SLC5A1: variants seen among roughly 807,000 people sequenced by gnomAD.
The protein encoded by SLC5A1 is sodium/glucose cotransporter 1.
A neutral mutation model predicts 73.5 loss-of-function variants in SLC5A1; 42 were observed. That is an observed-to-expected ratio of 0.57 (90% CI 0.45 to 0.74). The LOEUF (loss-of-function observed/expected upper bound fraction) is 0.74, where lower values mean the gene tolerates loss of function less well. Ranked by LOEUF, SLC5A1 falls within the 30% of genes least tolerant of loss-of-function variation. The probability of loss-of-function intolerance (pLI) is 0.00; values close to 1 mark genes in which losing one functional copy is unlikely to be tolerated. For missense variants in SLC5A1, 634 were observed against 855.4 expected (o/e 0.74, Z 3.23); for synonymous variants, 300 against 317.4 (o/e 0.95, Z 0.58).
intron 5 of SLC5A1, among the ~76,000 whole-genome samples, chr22:32,072,599 C>G (rs1185463385): frequency 2.0e-5 from 3 of 152,104 alleles, no homozygotes; most frequent in Non-Finnish European, 4.4e-5. Context: ...AAAATATAAC[C>G]ATTGTGCTAT....
Position 32,102,206 on chromosome 22 carries a change from C to A in SLC5A1, c.1634C>A (p.Ser545Tyr). 1.2e-6 allele frequency: 2 copies of A among 1,614,106 alleles called. No homozygotes were observed. Among genetic ancestry groups the A allele is most frequent in the Non-Finnish European group, 1.7e-6 (2 of 1,179,970 alleles). The change falls in exon 13 of 15, where the codon TCC becomes TAC. Residue 545 changes from serine to tyrosine, a missense_variant. Around this residue, in one of 3 missense-constraint regions of SLC5A1, gnomAD observed 161 missense variants for 178.7 expected, o/e 0.90. Transcript: ENST00000266088. Reference sequence around the variant, plus strand: ...TCTTTCATCACCATCGTGGTCATCTCCCTCCTCACCAAACCCATTCCGGAT... The same window carrying A: ...TCTTTCATCACCATCGTGGTCATCTACCTCCTCACCAAACCCATTCCGGAT... ...AISFITIVVI[S>Y]LLTKPIPDVH...
chr22:32,070,405 T>C (rs2093981185), intron 5 of SLC5A1, among the ~76,000 whole-genome samples: 1 of 151,256 alleles, frequency 6.6e-6, no homozygotes, highest in South Asian at 2.1e-4. Flanking sequence ...TGATCATAGC[T>C]CAGTGCAGCC....
At chr22:32,100,774 T>C (rs1356538957) in intron 12 of SLC5A1, among the ~76,000 whole-genome samples, 1 of 152,186 alleles carries the variant, frequency 6.6e-6, no homozygotes, top group East Asian at 1.9e-4. Flanking sequence ...TATTTTTTTC[T>C]TTTTCCTTAT....
chr22:32,058,486 G>A (rs1056756487), intron 2 of SLC5A1, among the ~76,000 whole-genome samples: 2 of 152,144 alleles, frequency 1.3e-5, no homozygotes, highest in African/African-American at 4.8e-5. Flanking sequence ...ACATACTGAT[G>A]AAATCCTTGT....
intron 5 of SLC5A1, among the ~76,000 whole-genome samples, chr22:32,069,076 C>G (rs543692385): frequency 6.6e-6 from 1 of 152,062 alleles, no homozygotes; most frequent in African/African-American, 2.4e-5. Flanking sequence ...GAATACCACT[C>G]GGCCTTAAAA....
chr22:32,107,916 T>TCAC (rs932041871), intron 14 of SLC5A1, among the ~76,000 whole-genome samples: 15 of 152,054 alleles, frequency 9.9e-5, no homozygotes, highest in South Asian at 4.2e-4. Flanking sequence ...ATCATCATCC[T>TCAC]CACCACCACC....
intron 1 of SLC5A1, among the ~76,000 whole-genome samples, chr22:32,044,752 G>A (rs1449228720): frequency 6.6e-6 from 1 of 151,998 alleles, no homozygotes; most frequent in Non-Finnish European, 1.5e-5. Flanking sequence ...TTTAACATAG[G>A]TACACTCTTA....
At chr22:32,066,640 A>G (rs1026667783) in intron 2 of SLC5A1, among the ~76,000 whole-genome samples, 1 of 152,198 alleles carries the variant, frequency 6.6e-6, no homozygotes, top group Non-Finnish European at 1.5e-5. Flanking sequence ...GGGACTTCCC[A>G]TATCTTCTTC....
chr22:32,060,174 CACACACACACACAT>C (rs1218514661), intron 2 of SLC5A1, among the ~76,000 whole-genome samples: 19 of 98,820 alleles, frequency 1.9e-4, no homozygotes, highest in African/African-American at 4.4e-4. Context: ...CACACACACA[CACACACACACACAT>C]ATATATATAT....
At chr22:32,109,310 T>A (rs574829133) in intron 14 of SLC5A1, among the ~76,000 whole-genome samples, 1 of 152,250 alleles carries the variant, frequency 6.6e-6, no homozygotes, top group African/African-American at 2.4e-5. Flanking sequence ...GAAACCAGGT[T>A]TGTCTACCTC....
At chr22:32,048,149 G>GT (rs1295756569) in intron 1 of SLC5A1, among the ~76,000 whole-genome samples, 2 of 117,136 alleles carry the variant, frequency 1.7e-5, no homozygotes, top group African/African-American at 3.3e-5. Flanking sequence ...GAGACTCCAT[G>GT]TAAAAAAAAA....
chr22:32,092,540 T>C (rs1171391309), intron 11 of SLC5A1, among the ~76,000 whole-genome samples: 1 of 152,264 alleles, frequency 6.6e-6, no homozygotes, highest in Non-Finnish European at 1.5e-5. Flanking sequence ...TTTTCCATAG[T>C]GGTTGTATTA....
intron 13 of SLC5A1, among the ~76,000 whole-genome samples, chr22:32,104,426 T>G (rs918756717): frequency 6.6e-6 from 1 of 152,192 alleles, no homozygotes; most frequent in African/African-American, 2.4e-5. Context: ...GAACTTACAC[T>G]CCTAACCTGG....
intron 14 of SLC5A1, among the ~76,000 whole-genome samples, chr22:32,108,632 T>C (rs973175697): frequency 7.9e-5 from 12 of 152,138 alleles, no homozygotes; most frequent in Admixed American, 2.6e-4. Context: ...AAAGGTCTCA[T>C]TGTGGTAGAG....
chr22:32,084,447 G>A lies in SLC5A1; in HGVS notation c.673G>A (p.Glu225Lys), dbSNP rs774829996. The change falls in exon 8 of 15, where the codon GAA becomes AAA. Residue 225 changes from glutamate to lysine, a missense_variant. Transcript: ENST00000266088. ...GTACCGATGTTTTCCAGCTTTTCACGAAGTGGGAGGCTATGACGCCTTCAT... is the reference window on the plus strand; with the variant it reads ...GTACCGATGTTTTCCAGCTTTTCACAAAGTGGGAGGCTATGACGCCTTCAT... Reference protein sequence around the residue: ...SLILTGFAFHEVGGYDAFMEK... With the variant: ...SLILTGFAFHKVGGYDAFMEK... The A allele has an allele frequency of 8.7e-6, 14 of 1,614,092 alleles. No individual in the cohort carries two copies. Among genetic ancestry groups the A allele is most frequent in the South Asian group, 7.7e-5 (7 of 91,074 alleles).
At chr22:32,100,610 C>T (rs2094034696) in intron 12 of SLC5A1, among the ~76,000 whole-genome samples, 1 of 152,012 alleles carries the variant, frequency 6.6e-6, no homozygotes, top group African/African-American at 2.4e-5. Context: ...AGACAGGAAT[C>T]TCACTGTATT....
intron 2 of SLC5A1, among the ~76,000 whole-genome samples, chr22:32,066,099 T>C (rs982312842): frequency 2.0e-5 from 3 of 152,216 alleles, no homozygotes; most frequent in Non-Finnish European, 4.4e-5. Flanking sequence ...TTGTGCAAGA[T>C]CCCTCTCTTG....
chr22:32,053,896 C>T (rs948873241), intron 2 of SLC5A1, among the ~76,000 whole-genome samples: 17 of 152,104 alleles, frequency 1.1e-4, no homozygotes, highest in Non-Finnish European at 2.1e-4. Flanking sequence ...GTTTCTCAGC[C>T]GGGTGCGGTG....
At chr22:32,086,004 G>A (rs1222128041) in intron 9 of SLC5A1, among the ~76,000 whole-genome samples, 1 of 152,132 alleles carries the variant, frequency 6.6e-6, no homozygotes, top group African/African-American at 2.4e-5. Flanking sequence ...AGCCAGGCAT[G>A]GTGGTGGGCG....
Sources: allele counts gnomAD v4.1 joint callset (sites outside exome capture counted in the v4.1 genomes callset), GRCh38; gene constraint gnomAD v4.1.1; regional missense constraint gnomAD v4.1.1; transcripts MANE v1.5; gene names NCBI Gene and HGNC (gene_info 2026-07-23, HGNC 2026-07-21).